ETNPPL: variants seen among roughly 807,000 people sequenced by gnomAD.
ETNPPL encodes the protein alanine--glyoxylate aminotransferase 2-like 1.
A neutral mutation model predicts 55.5 loss-of-function variants in ETNPPL; 30 were observed. The observed-to-expected ratio is 0.54, with a 90% CI of 0.40 to 0.73. The LOEUF (loss-of-function observed/expected upper bound fraction) is 0.73, where lower values mean the gene tolerates loss of function less well. Ranked by LOEUF, ETNPPL falls within the 30% of genes least tolerant of loss-of-function variation. ETNPPL has a pLI of 0.00. For missense variants in ETNPPL, 528 were observed against 607.9 expected (o/e 0.87, Z 1.38); for synonymous variants, 202 against 207.2 (o/e 0.98, Z 0.21).
Position 108,743,769 on chromosome 4 carries a change from A to G in ETNPPL, c.1371+20T>C, listed in dbSNP as rs1728328647. 1 of 1,571,866 alleles carries G rather than the reference A, an allele frequency of 6.4e-7. No homozygotes were observed. ...CAAATTTTAAACTTTCCCCCTAAAAATAAAGTAGCCAACCCTTACCTTTGT... is the reference window on the plus strand; with the variant it reads ...CAAATTTTAAACTTTCCCCCTAAAAGTAAAGTAGCCAACCCTTACCTTTGT... On this transcript the variant is annotated intron_variant, in intron 12 of 12. Transcript: ENST00000296486.
At chr4:108,744,426 T>C (rs1268544213) in intron 11 of ETNPPL, among the ~76,000 whole-genome samples, 1 of 152,070 alleles carries the variant, frequency 6.6e-6, no homozygotes, top group South Asian at 2.1e-4. Flanking sequence ...AAGCTCTGAG[T>C]TGATGCAGAC....
intron 5 of ETNPPL, 114 bp from the exon 6 acceptor site, chr4:108,753,125 C>G (rs1728993937): frequency 1.6e-6 from 1 of 634,092 alleles, no homozygotes; most frequent in African/African-American, 1.9e-5. Flanking sequence ...ACTTAAGATA[C>G]TTTAGGTTTT....
chr4:108,762,926 G>A lies in ETNPPL; in HGVS notation c.-28C>T, dbSNP rs747709422. On this transcript the variant is annotated 5_prime_UTR_variant, in exon 1 of 13. Transcript: ENST00000296486. The stretch of plus-strand genomic sequence containing the variant: ...TGGCGGGGTGCAGGGCGCTGCGAAG[G>A]TGCAAGGTGCAAGGTCTGCGCGCCT... 9 of 1,607,692 alleles carry A rather than the reference G, an allele frequency of 5.6e-6. No individual in the cohort carries two copies. Among genetic ancestry groups the A allele is most frequent in the Non-Finnish European group, 5.1e-6 (6 of 1,174,516 alleles).
At chr4:108,748,567 A>C (rs998584310) in intron 8 of ETNPPL, among the ~76,000 whole-genome samples, 14 of 152,190 alleles carry the variant, frequency 9.2e-5, no homozygotes, top group Non-Finnish European at 1.9e-4. Context: ...TTTGAATCTT[A>C]CTTTTAGCTG....
intron 11 of ETNPPL, 101 bp from the exon 12 acceptor site, chr4:108,743,957 G>A (rs985403317): frequency 5.3e-6 from 4 of 761,658 alleles, no homozygotes; most frequent in Non-Finnish European, 9.1e-6. Flanking sequence ...AGAATGGAAG[G>A]AAATGTTATG....
chr4:108,751,348 G>T (rs1728904595), intron 6 of ETNPPL, among the ~76,000 whole-genome samples: 1 of 152,098 alleles, frequency 6.6e-6, no homozygotes, highest in Non-Finnish European at 1.5e-5. Context: ...TTAGTCTTTG[G>T]TTATGAACCT....
intron 12 of ETNPPL, among the ~76,000 whole-genome samples, 154 bp from the exon 13 acceptor site, chr4:108,742,766 C>T (rs1728281693): frequency 6.6e-6 from 1 of 152,194 alleles, no homozygotes; most frequent in Non-Finnish European, 1.5e-5. Flanking sequence ...TCAGTATCTT[C>T]AATAGACATT....
Position 108,742,383 on chromosome 4 carries a change from A to G in ETNPPL, c.*101T>C. 1.6e-6 allele frequency: 2 copies of G among 1,221,964 alleles called. No homozygotes were observed. The highest frequency in any genetic ancestry group is 2.0e-4 in the Middle Eastern group (1 of 5,064). The allele number at this position is 1,221,964 out of a possible 1,614,324, so 75.7% of individuals were successfully genotyped here. A position where few individuals can be genotyped will look rare whatever the true frequency, so the allele number is the denominator to read the frequency against. ...TTTCATTTATGAATCTAAACTGACA[A>G]TTCCACCTTTAGAGGTATAATAGAG... On this transcript the variant is annotated 3_prime_UTR_variant, in exon 13 of 13. Coordinates refer to ENST00000296486, the MANE Select transcript of ETNPPL (RefSeq NM_031279.4).
chr4:108,753,808 A>AAAGAAAC (rs1560656731), intron 5 of ETNPPL, among the ~76,000 whole-genome samples: 1 of 75,138 alleles, frequency 1.3e-5, no homozygotes. Flanking sequence ...AAGAAAGAAA[A>AAAGAAAC]GAGAAGAAAA....
At chr4:108,745,758 C>T (rs1728450830) in intron 11 of ETNPPL, among the ~76,000 whole-genome samples, 1 of 151,688 alleles carries the variant, frequency 6.6e-6, no homozygotes, top group African/African-American at 2.4e-5. Context: ...TAGTGAAACC[C>T]CATCTCTACT....
rs376799904 is a variant in ETNPPL, at chr4:108,746,800, C to T, written c.1134G>A (p.Arg378=). ...GIDLVKDHLK[R]TPATAEAQHI... ...GCTGAGCTTCAGCTGTGGCAGGGGT[C>T]CTTTTCAGATGGTCCTTCACTAAAT... is the stretch of plus-strand genomic sequence containing the variant. The change falls in exon 10 of 13, where the codon AGG becomes AGA. Residue 378 remains arginine, a synonymous_variant. Coordinates refer to ENST00000296486, the MANE Select transcript of ETNPPL (RefSeq NM_031279.4). 6 of 1,613,828 alleles carry T rather than the reference C, an allele frequency of 3.7e-6. No individual in the cohort carries two copies. The highest frequency in any genetic ancestry group is 1.7e-5 in the Admixed American group (1 of 59,976).
At chr4:108,760,439 C>T (rs987705784) in intron 1 of ETNPPL, 133 bp from the exon 2 acceptor site, 4 of 502,374 alleles carry the variant, frequency 8.0e-6, no homozygotes, top group Non-Finnish European at 1.4e-5. Context: ...GGATGACATA[C>T]ATTTCTTTTC....
chr4:108,751,562 A>C (rs958752862), intron 6 of ETNPPL, among the ~76,000 whole-genome samples: 1 of 152,226 alleles, frequency 6.6e-6, no homozygotes, highest in African/African-American at 2.4e-5. Context: ...TAGGAACTAC[A>C]GATGAATCAT....
At chr4:108,743,573 T>C (rs1359008176) in intron 12 of ETNPPL, among the ~76,000 whole-genome samples, 1 of 152,204 alleles carries the variant, frequency 6.6e-6, no homozygotes, top group African/African-American at 2.4e-5. Flanking sequence ...GGAATGATCC[T>C]GTAAGAATGG....
At chr4:108,760,735 G>A (rs1252444014) in intron 1 of ETNPPL, among the ~76,000 whole-genome samples, 1 of 152,158 alleles carries the variant, frequency 6.6e-6, no homozygotes, top group Non-Finnish European at 1.5e-5. Flanking sequence ...CTATGAAAGA[G>A]AGGTTATTAT....
intron 3 of ETNPPL, among the ~76,000 whole-genome samples, chr4:108,757,528 T>C (rs1328122101): frequency 2.0e-5 from 3 of 152,168 alleles, no homozygotes; most frequent in African/African-American, 7.2e-5. Flanking sequence ...ATCTTAGCAA[T>C]TTGGTAGGCC....
chr4:108,759,123 G>C (rs1729377563), intron 3 of ETNPPL, among the ~76,000 whole-genome samples: 1 of 152,030 alleles, frequency 6.6e-6, no homozygotes, highest in African/African-American at 2.4e-5. Flanking sequence ...TCTTATGTTT[G>C]TATTGGGGAA....
In ETNPPL at chr4:108,762,874, C is replaced by T. The variant is rs1409734640; in HGVS notation, c.25G>A (p.Asp9Asn). MCELYSKR[D>N]TLGLRKKHIG... Reference sequence around the variant, plus strand: ...TGCTTCTTCCTCAGCCCCAGAGTGTCCCGCTTACTGTACAGCTCGCACATG... The same window carrying T: ...TGCTTCTTCCTCAGCCCCAGAGTGTTCCGCTTACTGTACAGCTCGCACATG... The change falls in exon 1 of 13, where the codon GAC becomes AAC. Residue 9 changes from aspartate (D) to asparagine (N), a missense_variant. By Grantham distance (23) the Asp-to-Asn change is conservative (BLOSUM62 1). Coordinates refer to ENST00000296486, the MANE Select transcript of ETNPPL (RefSeq NM_031279.4). The T allele has an allele frequency of 6.2e-7, 1 of 1,614,004 alleles. No individual in the cohort carries two copies. The highest frequency in any genetic ancestry group is 1.3e-5 in the African/African-American group (1 of 74,946).
chr4:108,762,988 C>CGCCAA lies in ETNPPL; in HGVS notation c.-91_-90insTTGGC. The CGCCAA allele has an allele frequency of 7.7e-7, 1 of 1,298,216 alleles. No individual in the cohort carries two copies. Among genetic ancestry groups the CGCCAA allele is most frequent in the Non-Finnish European group, 1.1e-6 (1 of 906,266 alleles). 80.4% of individuals were successfully genotyped at this position (1,298,216 alleles called of 1,614,324 possible). A position where few individuals can be genotyped will look rare whatever the true frequency, so the allele number is the denominator to read the frequency against. Reference sequence around the variant, plus strand: ...CTGGGACTGCCTTGGCGGCCCCGGCCGGCCTTCCTCCCGTTATCCCTCCTG... The same window carrying CGCCAA: ...CTGGGACTGCCTTGGCGGCCCCGGCCGCCAAGGCCTTCCTCCCGTTATCCCTCCTG... On this transcript the variant is annotated 5_prime_UTR_variant, in exon 1 of 13. Coordinates refer to ENST00000296486, the MANE Select transcript of ETNPPL (RefSeq NM_031279.4).
Sources: gnomAD v4.1 joint callset for allele counts (sites outside exome capture counted in the v4.1 genomes callset) on GRCh38, gnomAD v4.1.1 for gene constraint, MANE v1.5 for transcripts, NCBI Gene and HGNC (gene_info 2026-07-23, HGNC 2026-07-21) for gene names.